The following SLCO1C1 variants were observed in gnomAD, a reference collection of about 807,000 sequenced individuals.
SLCO1C1 encodes solute carrier organic anion transporter family member 1C1, also known as OAT-RP-5.
SLCO1C1 carries 70 observed loss-of-function variants against 76.4 expected under a neutral mutation model. The observed-to-expected ratio is 0.92, with a 90% CI of 0.76 to 1.12. SLCO1C1 has a LOEUF of 1.12. Ranked by LOEUF, SLCO1C1 falls within the 50% of genes most tolerant of loss-of-function variation. The pLI is 0.00. For missense variants in SLCO1C1, 912 were observed against 823.8 expected (o/e 1.11, Z -1.31); for synonymous variants, 306 against 286.1 (o/e 1.07, Z -0.70).
At chr12:20,727,079 C>T (rs1056315606) in intron 9 of SLCO1C1, among the ~76,000 whole-genome samples, 2 of 152,150 alleles carry the variant, frequency 1.3e-5, no homozygotes, top group Non-Finnish European at 1.5e-5. Flanking sequence ...GTGGTGTATA[C>T]GTACCACTTC....
intron 10 of SLCO1C1, among the ~76,000 whole-genome samples, chr12:20,734,004 G>A (rs376296954): frequency 6.6e-6 from 1 of 152,100 alleles, no homozygotes; most frequent in East Asian, 1.9e-4. Flanking sequence ...GTGCCAGGAA[G>A]GCCTTCCCAA....
chr12:20,701,815 A>G (rs1409927223), intron 3 of SLCO1C1, among the ~76,000 whole-genome samples: 1 of 151,930 alleles, frequency 6.6e-6, no homozygotes. Context: ...TGGGAGCACT[A>G]TGATTCAATT....
intron 13 of SLCO1C1, among the ~76,000 whole-genome samples, chr12:20,743,769 G>A (rs1390160315): frequency 1.3e-5 from 2 of 151,884 alleles, no homozygotes; most frequent in East Asian, 3.9e-4. Context: ...ATTCCTTTGA[G>A]TTACTCTCAA....
chr12:20,719,013 C>G (rs1193921329), intron 7 of SLCO1C1, among the ~76,000 whole-genome samples: 2 of 151,958 alleles, frequency 1.3e-5, no homozygotes, highest in African/African-American at 4.8e-5. Context: ...TTGAGCAAGT[C>G]TATAGGCACT....
At chr12:20,731,178 C>T (rs1948246024) in intron 9 of SLCO1C1, among the ~76,000 whole-genome samples, 1 of 152,114 alleles carries the variant, frequency 6.6e-6, no homozygotes, top group African/African-American at 2.4e-5. Context: ...AATCTGGCTG[C>T]CTTCAGCCAA....
intron 7 of SLCO1C1, among the ~76,000 whole-genome samples, chr12:20,719,305 G>A (rs928962202): frequency 1.3e-5 from 2 of 151,922 alleles, no homozygotes; most frequent in Admixed American, 6.6e-5. Flanking sequence ...TGGACTTCCC[G>A]ATTCCCTGAG....
In SLCO1C1 at chr12:20,752,520, C is replaced by G; in HGVS notation, c.2131C>G (p.Gln711Glu). The G allele has an allele frequency of 6.3e-7, 1 of 1,580,338 alleles. No homozygotes were observed. Among genetic ancestry groups the G allele is most frequent in the South Asian group, 1.2e-5 (1 of 85,334 alleles). ...QPNYWPGKET[Q>E]L ...CAACTACTGGCCAGGCAAGGAAACT[C>G]AACTTTAGAAACATGATGACTGGAA... The change falls in exon 15 of 15, where the codon CAA becomes GAA. Residue 711 changes from glutamine (Q) to glutamate (E), a missense_variant. Physicochemically the swap from Gln to Glu is conservative, Grantham distance 29. Coordinates refer to ENST00000266509, the MANE Select transcript of SLCO1C1 (RefSeq NM_017435.5).
chr12:20,741,695 G>A (rs959197209), intron 12 of SLCO1C1, among the ~76,000 whole-genome samples: 1 of 151,640 alleles, frequency 6.6e-6, no homozygotes, highest in Admixed American at 6.6e-5. Context: ...ACAATTACAT[G>A]AATCCAAATT....
intron 9 of SLCO1C1, among the ~76,000 whole-genome samples, chr12:20,726,414 G>A (rs1818209340): frequency 6.6e-6 from 1 of 151,984 alleles, no homozygotes; most frequent in Admixed American, 6.6e-5. Flanking sequence ...AGGGCCAACT[G>A]TTACAACGAC....
intron 14 of SLCO1C1, 85 bp from the exon 15 acceptor site, chr12:20,752,221 C>G (rs962227465): frequency 9.5e-6 from 8 of 844,008 alleles, no homozygotes; most frequent in East Asian, 5.4e-5. Context: ...TTAAAGAAAA[C>G]CATCAGTATG....
In SLCO1C1 at chr12:20,698,772, A is replaced by T. The variant is rs571591256; in HGVS notation, c.-25-780A>T. Reference sequence around the variant, plus strand: ...TGTTGAATTCCTTGATTTAGGTTAGATTATCAGGCAGGCACTGAGCCATGT... The same window carrying T: ...TGTTGAATTCCTTGATTTAGGTTAGTTTATCAGGCAGGCACTGAGCCATGT... On this transcript the variant is annotated intron_variant, in intron 1 of 14. Transcript: ENST00000266509. 2.0e-5 allele frequency among the ~76,000 whole-genome samples: 3 copies of T among 152,162 alleles called. No homozygotes were observed. The South Asian group carries it at 6.2e-4, about 32-fold the overall frequency.
chr12:20,736,494 T>G, intron 10 of SLCO1C1, among the ~76,000 whole-genome samples: 1 of 152,088 alleles, frequency 6.6e-6, no homozygotes, highest in East Asian at 1.9e-4. Context: ...TGCTATAAGA[T>G]ATGAAAGAGC....
At chr12:20,752,266 T>C in intron 14 of SLCO1C1, 40 bp from the exon 15 acceptor site, 6 of 1,331,992 alleles carry the variant, frequency 4.5e-6, no homozygotes, top group Non-Finnish European at 6.1e-6. Flanking sequence ...TTCAAGTTGG[T>C]TGTTGCATTA....
intron 9 of SLCO1C1, among the ~76,000 whole-genome samples, chr12:20,727,476 CTTTG>C (rs1186241301): frequency 1.3e-5 from 2 of 152,128 alleles, no homozygotes; most frequent in South Asian, 4.1e-4. Context: ...TTCTTCATAT[CTTTG>C]TTAGCTGCTT....
chr12:20,733,464 T>C (rs1948392116), intron 10 of SLCO1C1, among the ~76,000 whole-genome samples: 1 of 152,188 alleles, frequency 6.6e-6, no homozygotes, highest in Admixed American at 6.5e-5. Context: ...AATTTTCCCA[T>C]CTTAAAAACA....
intron 13 of SLCO1C1, 113 bp downstream of exon 13, chr12:20,743,482 G>A (rs1235637784): frequency 5.6e-6 from 4 of 709,054 alleles, no homozygotes; most frequent in Admixed American, 2.6e-5. Context: ...AGGTGGCAAA[G>A]TTCATAGTCT....
chr12:20,743,626 A>T (rs183621413), intron 13 of SLCO1C1, among the ~76,000 whole-genome samples: 368 of 152,226 alleles, frequency 2.4e-3, no homozygotes, highest in African/African-American at 8.3e-3. Context: ...ATTTTTGTTT[A>T]ACAATCTTAC....
chr12:20,751,364 C>T (rs961609094), intron 14 of SLCO1C1, among the ~76,000 whole-genome samples: 1 of 152,034 alleles, frequency 6.6e-6, no homozygotes, highest in Non-Finnish European at 1.5e-5. Flanking sequence ...TCATTCAGTT[C>T]AGCTCATTAA....
chr12:20,731,342 T>C (rs1269915280), intron 9 of SLCO1C1, among the ~76,000 whole-genome samples: 1 of 152,238 alleles, frequency 6.6e-6, no homozygotes, highest in Non-Finnish European at 1.5e-5. Flanking sequence ...TGTTGATATT[T>C]AAGGTTCTGT....
Sources: allele counts gnomAD v4.1 joint callset (sites outside exome capture counted in the v4.1 genomes callset), GRCh38; gene constraint gnomAD v4.1.1; transcripts MANE v1.5; gene names NCBI Gene and HGNC (gene_info 2026-07-23, HGNC 2026-07-21).